KIF17: variants seen among roughly 807,000 people sequenced by gnomAD.
The protein encoded by KIF17 is kinesin-like protein KIF17.
Under a neutral mutation model 96.8 loss-of-function variants are expected in KIF17, and 80 were observed. The observed-to-expected ratio is 0.83, with a 90% confidence interval of 0.69 to 1.00. KIF17 has a LOEUF of 1.00. Ranked by LOEUF, KIF17 falls within the 50% of genes least tolerant of loss-of-function variation. The pLI is 0.00. For synonymous variants in KIF17, 567 were observed against 587.5 expected (o/e 0.97, Z 0.51); for missense variants, 1,280 against 1,372.9 (o/e 0.93, Z 1.07).
chr1:20,702,024 A>G (rs554334218), intron 5 of KIF17, among the ~76,000 whole-genome samples: 1 of 152,328 alleles, frequency 6.6e-6, no homozygotes, highest in African/African-American at 2.4e-5. Flanking sequence ...GCCTGGTCTG[A>G]AGGCCCAGCT....
chr1:20,671,117 G>A (rs2053640739), intron 12 of KIF17, among the ~76,000 whole-genome samples: 1 of 152,142 alleles, frequency 6.6e-6, no homozygotes, highest in Non-Finnish European at 1.5e-5. Context: ...TTTGATCCAT[G>A]GTCCTCCCAC....
rs141025234 is a variant in KIF17 at position 20,685,175 on chromosome 1, C to T, written c.2020-155G>A. ...GGGACACCAGTGACACAAAAACACG[C>T]CCTGTTGAGTTCTTACTGCCGCTAT... On this transcript the variant is annotated intron_variant, in intron 9 of 14. Coordinates refer to ENST00000400463, the MANE Select transcript of KIF17 (RefSeq NM_001122819.3). This position sits in a 1 kb window ranked among gnomAD's most constrained non-coding sequence, Gnocchi z 4.1. 94 of 722,782 alleles carry T rather than the reference C, an allele frequency of 1.3e-4. No homozygotes were observed. The African/African-American group carries it at 1.5e-3, about 11-fold the overall frequency. The allele number at this position is 722,782 out of a possible 1,614,324, so 44.8% of individuals were successfully genotyped here.
At chr1:20,686,501 TA>T in intron 8 of KIF17, 1 of 239,860 alleles carries the variant, frequency 4.2e-6, no homozygotes, top group Non-Finnish European at 8.2e-6. Context: ...ACACACAAAA[TA>T]CACACACACA....
Position 20,700,357 on chromosome 1 carries a change from C to T in KIF17, c.1124-1869G>A, listed in dbSNP as rs973628882. Among the ~76,000 whole-genome samples, 2 of 152,276 alleles carry T rather than the reference C, an allele frequency of 1.3e-5. No individual in the cohort carries two copies. Among genetic ancestry groups the T allele is most frequent in the African/African-American group, 4.8e-5 (2 of 41,550 alleles). On this transcript the variant is annotated intron_variant, in intron 5 of 14. Transcript: ENST00000400463. The surrounding 1 kb of genome is among the most constrained non-coding windows in gnomAD (Gnocchi z 4.6). ...AAGTACTAGGATTACAGGCGTGAAC[C>T]ACTGCGCCCGGCCAGGCTGTAGCCA...
chr1:20,709,837 G>A lies in KIF17; in HGVS notation c.481-9C>T, dbSNP rs1432542976. ...TCTGGGTGCTCCTTCAGCTGAGGGAGGAGGAACAGTCAGGGGCGGAACCTC... is the reference window on the plus strand; with the variant it reads ...TCTGGGTGCTCCTTCAGCTGAGGGAAGAGGAACAGTCAGGGGCGGAACCTC... On this transcript the variant is annotated splice_polypyrimidine_tract_variant and intron_variant, in intron 3 of 14. Coordinates refer to ENST00000400463, the MANE Select transcript of KIF17 (RefSeq NM_001122819.3). The surrounding 1 kb of genome is among the most constrained non-coding windows in gnomAD (Gnocchi z 4.7). 1.7e-5 allele frequency: 27 copies of A among 1,599,912 alleles called. No individual in the cohort carries two copies. Among genetic ancestry groups the A allele is most frequent in the Non-Finnish European group, 2.0e-5 (23 of 1,173,348 alleles).
intron 6 of KIF17, among the ~76,000 whole-genome samples, chr1:20,696,899 C>T (rs2054151324): frequency 6.6e-6 from 1 of 152,204 alleles, no homozygotes; most frequent in Non-Finnish European, 1.5e-5. Context: ...CCCAGAGCTA[C>T]AGGAAGGGAC....
intron 6 of KIF17, among the ~76,000 whole-genome samples, chr1:20,695,900 G>A (rs145062767): frequency 5.9e-5 from 9 of 152,068 alleles, no homozygotes; most frequent in African/African-American, 1.9e-4. Flanking sequence ...CCCAGCACGC[G>A]CTCACAATAT....
rs12737262 is a variant in KIF17, at chr1:20,701,620, G to A, written c.1123+2827C>T. 4.4e-3 allele frequency among the ~76,000 whole-genome samples: 665 copies of A among 152,206 alleles called. 2 individuals carry two copies. The highest frequency in any genetic ancestry group is 6.8e-3 in the Middle Eastern group (2 of 294). ...AGAGGCCAGGGAGCAGGGACGACTC[G>A]CCCTTGGGAACTGAGGAGAGGTGGG... On this transcript the variant is annotated intron_variant, in intron 5 of 14. Transcript: ENST00000400463.
At chr1:20,697,388 T>G (rs602166) in intron 6 of KIF17, among the ~76,000 whole-genome samples, 86,778 of 151,930 alleles carry the variant, frequency 0.57, 26,580 homozygotes, top group African/African-American at 0.8. Flanking sequence ...TGGGAGGATC[T>G]CTTGAGCCCA....
At chr1:20,669,836 G>A (rs1447205260) in intron 13 of KIF17, among the ~76,000 whole-genome samples, 7 of 113,282 alleles carry the variant, frequency 6.2e-5, no homozygotes, top group African/African-American at 2.0e-4. Context: ...ACTGCACTCC[G>A]GCCTGGTGAC....
chr1:20,707,025 G>A (rs1397790889), intron 4 of KIF17, among the ~76,000 whole-genome samples: 1 of 152,176 alleles, frequency 6.6e-6, no homozygotes, highest in African/African-American at 2.4e-5. Context: ...GAGCCCAGAA[G>A]TTCAAGGCTA....
chr1:20,682,173 CACAT>C (rs894941256), intron 11 of KIF17, among the ~76,000 whole-genome samples: 4 of 152,050 alleles, frequency 2.6e-5, no homozygotes, highest in Non-Finnish European at 5.9e-5. Context: ...TGCGTGCACA[CACAT>C]ACAACATACC....
intron 6 of KIF17, among the ~76,000 whole-genome samples, chr1:20,696,297 C>T (rs59786108): frequency 0.38 from 57,634 of 151,796 alleles, 11,708 homozygotes; most frequent in East Asian, 0.7. Flanking sequence ...ATAGCAGGTG[C>T]TCAATAAATA....
Position 20,704,385 on chromosome 1 carries a change from G to A in KIF17, c.1123+62C>T. ...GTGGGAAGTTGGAGGCGAGAAGACA[G>A]AGGGAAGGAAGCTTTCTCCTGGGGA... On this transcript the variant is annotated intron_variant, in intron 5 of 14. Coordinates refer to ENST00000400463, the MANE Select transcript of KIF17 (RefSeq NM_001122819.3). The surrounding 1 kb of genome is among the most constrained non-coding windows in gnomAD (Gnocchi z 6.8). 4 of 1,374,602 alleles carry A rather than the reference G, an allele frequency of 2.9e-6. No individual in the cohort carries two copies. In the South Asian group the frequency reaches 3.6e-5, roughly 13 times the overall value. The allele number at this position is 1,374,602 out of a possible 1,614,324, so 85.2% of individuals were successfully genotyped here.
rs2154534662 is a variant in KIF17 at position 20,664,638 on chromosome 1, GA to G, written c.3032del (p.Phe1011SerfsTer29). The part of the protein sequence containing the change: ...PFRLESLDIP[F>X]TKAKRKKSKS... ...TGCTTTTCTTACGCTTGGCCTTGGTGAAAGGGATGTCGAGGGACTCGAGGCG... is the reference window on the plus strand; with the variant it reads ...TGCTTTTCTTACGCTTGGCCTTGGTGAAGGGATGTCGAGGGACTCGAGGCG... On this transcript the variant is annotated frameshift_variant, in exon 15 of 15. Coordinates refer to ENST00000400463, the MANE Select transcript of KIF17 (RefSeq NM_001122819.3). LOFTEE classifies it high-confidence loss of function. 7.1e-7 allele frequency: 1 copy of G among 1,402,164 alleles called. No homozygotes were observed. Among genetic ancestry groups the G allele is most frequent in the East Asian group, 4.0e-5 (1 of 25,166 alleles). The allele number at this position is 1,402,164 out of a possible 1,614,324, so 86.9% of individuals were successfully genotyped here. A position where few individuals can be genotyped will look rare whatever the true frequency, so the allele number is the denominator to read the frequency against.
At chr1:20,706,436 C>T (rs1226374153) in intron 4 of KIF17, among the ~76,000 whole-genome samples, 1 of 151,262 alleles carries the variant, frequency 6.6e-6, no homozygotes, top group African/African-American at 2.4e-5. Context: ...ACTAAAAATA[C>T]AAAAATTAGC....
Position 20,690,261 on chromosome 1 carries a change from T to C in KIF17, c.1308A>G (p.Glu436=). 1 of 1,523,230 alleles carries C rather than the reference T, an allele frequency of 6.6e-7. No individual in the cohort carries two copies. Among genetic ancestry groups the C allele is most frequent in the Non-Finnish European group, 8.9e-7 (1 of 1,125,514 alleles). The allele number at this position is 1,523,230 out of a possible 1,614,324, so 94.4% of individuals were successfully genotyped here. A position where few individuals can be genotyped will look rare whatever the true frequency, so the allele number is the denominator to read the frequency against. Reference sequence around the variant, plus strand: ...ATGAGTTGCGCATGGCAGTGATGTCTTCCTCCAGCCTGGCCCGAGACTCCT... The same window carrying C: ...ATGAGTTGCGCATGGCAGTGATGTCCTCCTCCAGCCTGGCCCGAGACTCCT... ...AEQESRARLE[E]DITAMRNSYD... The change falls in exon 7 of 15, where the codon GAA becomes GAG. Residue 436 remains glutamate, a synonymous_variant. Transcript: ENST00000400463.
rs1284703378 is a variant in KIF17, at chr1:20,687,752, G to A, written c.1574C>T (p.Pro525Leu). ...CTCAGATTTGGAGGGTTCCACCTTG[G>A]GCAGCTCCGCAAACCTGGAGGAAAC... ...TQVSSRFAEL[P>L]KVEPSKSEIS... Residue 525 changes from proline to leucine, a missense_variant, in exon 8 of 15, where the codon CCC (proline) becomes CTC (leucine). Pro to Leu is a moderately conservative substitution (Grantham distance 98, BLOSUM62 -3). Coordinates refer to ENST00000400463, the MANE Select transcript of KIF17 (RefSeq NM_001122819.3). The surrounding 1 kb of genome is among the most constrained non-coding windows in gnomAD (Gnocchi z 4.4). 10 of 1,614,184 alleles carry A rather than the reference G, an allele frequency of 6.2e-6. No individual in the cohort carries two copies. Among genetic ancestry groups the A allele is most frequent in the African/African-American group, 1.3e-5 (1 of 75,048 alleles).
At position 20,664,322 on chromosome 1, in the gene KIF17, A is replaced by C; in HGVS notation, c.*262T>G. ...ATGGGTGTGGGCTCTGTGGCAGGTGAGCAGACGGAAACACTGATGTGGTAT... is the reference window on the plus strand; with the variant it reads ...ATGGGTGTGGGCTCTGTGGCAGGTGCGCAGACGGAAACACTGATGTGGTAT... On this transcript the variant is annotated 3_prime_UTR_variant, in exon 15 of 15. Transcript: ENST00000400463. The C allele has an allele frequency of 1.4e-6, 2 of 1,384,666 alleles. No individual in the cohort carries two copies. Among genetic ancestry groups the C allele is most frequent in the Non-Finnish European group, 1.9e-6 (2 of 1,066,958 alleles). The allele number at this position is 1,384,666 out of a possible 1,614,324, so 85.8% of individuals were successfully genotyped here.
Sources: allele counts gnomAD v4.1 joint callset (sites outside exome capture counted in the v4.1 genomes callset), GRCh38; gene constraint gnomAD v4.1.1; non-coding constraint Gnocchi (gnomAD v3.1); transcripts MANE v1.5; gene names NCBI Gene and HGNC (gene_info 2026-07-23, HGNC 2026-07-21).